Variants in RPL24 observed in about 807,000 individuals in gnomAD.
The protein encoded by RPL24 is ribosomal protein L24, also known as large ribosomal subunit protein eL24.
Under a neutral mutation model 26.4 loss-of-function variants are expected in RPL24, and 7 were observed. That is an observed-to-expected ratio of 0.27 (90% confidence interval 0.15 to 0.50). The LOEUF (loss-of-function observed/expected upper bound fraction) is 0.50. RPL24 is among the 20% of genes least tolerant of loss of function. The pLI is 0.98. For missense variants in RPL24, 109 were observed against 194.9 expected (o/e 0.56, Z 2.62); for synonymous variants, 67 against 65.2 (o/e 1.03, Z -0.13).
rs200609059 is a variant in RPL24 at position 101,686,714 on chromosome 3, G to A, written c.-38C>T. On this transcript the variant is annotated 5_prime_UTR_variant, in exon 1 of 6. Coordinates refer to ENST00000394077, the MANE Select transcript of RPL24 (RefSeq NM_000986.4). The stretch of plus-strand genomic sequence containing the variant: ...ACGGAAAGACAAAAGATGGCGAAAA[G>A]AAAGAGAGAATCATGGGAAGAGACC... 241 of 1,613,876 alleles carry A rather than the reference G, an allele frequency of 1.5e-4. No individual in the cohort carries two copies. The East Asian group carries it at 2.5e-3, about 16-fold the overall frequency.
chr3:101,682,960 A>T (rs1301548421), intron 3 of RPL24, 53 bp from the exon 4 acceptor site: 1 of 1,546,286 alleles, frequency 6.5e-7, no homozygotes, highest in African/African-American at 1.4e-5. Flanking sequence ...AAGAATTTAG[A>T]GGGAGGAAAA....
Position 101,685,995 on chromosome 3 carries a change from G to C in RPL24, c.82-67C>G, listed in dbSNP as rs1937336397. ...AAGTACAAGAGGCTGAGTAAGCTTG[G>C]AATCCTTAGAAGATCAATATGCTAG... On this transcript the variant is annotated intron_variant, in intron 2 of 5. Transcript: ENST00000394077. The C allele has an allele frequency of 2.9e-6, 3 of 1,049,040 alleles. 1 individual carries two copies. The Admixed American group carries it at 5.3e-5, about 19-fold the overall frequency. The allele number at this position is 1,049,040 out of a possible 1,614,324, so 65.0% of individuals were successfully genotyped here. A position where few individuals can be genotyped will look rare whatever the true frequency, so the allele number is the denominator to read the frequency against.
At position 101,684,168 on chromosome 3, in the gene RPL24, T is replaced by G. The variant is rs1162463816; in HGVS notation, c.193-1261A>C. ...GGCACTGCACTAGGCCCATTTTAAC[T>G]TTTTTTTTTTTTTTTAAATGGAGCC... On this transcript the variant is annotated intron_variant, in intron 3 of 5. Coordinates refer to ENST00000394077, the MANE Select transcript of RPL24 (RefSeq NM_000986.4). Among the ~76,000 whole-genome samples the G allele has an allele frequency of 2.3e-5, 3 of 132,894 alleles. No individual in the cohort carries two copies. In the East Asian group the frequency reaches 6.5e-4, roughly 29 times the overall value. The allele number at this position is 132,894 out of a possible 152,430, so 87.2% of individuals were successfully genotyped here.
chr3:101,684,857 A>G (rs914584790), intron 3 of RPL24, among the ~76,000 whole-genome samples: 2 of 140,672 alleles, frequency 1.4e-5, no homozygotes, highest in African/African-American at 2.6e-5. Flanking sequence ...TGTAGCTATC[A>G]CCATTATCCA....
At chr3:101,684,402 T>C (rs997831905) in intron 3 of RPL24, among the ~76,000 whole-genome samples, 1 of 150,654 alleles carries the variant, frequency 6.6e-6, no homozygotes, top group Admixed American at 6.6e-5. Context: ...ACTCCTGACC[T>C]GGTGATCCAC....
Position 101,684,776 on chromosome 3 carries a change from C to CAAAAAAAAAAAAAAAAAAAA in RPL24, c.192+1022_192+1041dup, listed in dbSNP as rs57278210. ...CTGAGCAACAGAGGACCTGTCTCCC[C>CAAAAAAAAAAAAAAAAAAAA]AAAAAAAAAAAAAAAAAAAAAAAAA... On this transcript the variant is annotated intron_variant, in intron 3 of 5. Coordinates refer to ENST00000394077, the MANE Select transcript of RPL24 (RefSeq NM_000986.4). Among the ~76,000 whole-genome samples, 62 of 53,210 alleles carry CAAAAAAAAAAAAAAAAAAAA rather than the reference C, an allele frequency of 1.2e-3. 6 individuals are homozygous for CAAAAAAAAAAAAAAAAAAAA. The highest frequency in any genetic ancestry group is 2.1e-3 in the South Asian group (2 of 956). 34.9% of individuals were successfully genotyped at this position (53,210 alleles called of 152,430 possible). A position where few individuals can be genotyped will look rare whatever the true frequency, so the allele number is the denominator to read the frequency against.
At chr3:101,686,156 C>G (rs2108341719) in intron 2 of RPL24, 1 of 577,996 alleles carries the variant, frequency 1.7e-6, no homozygotes, top group Non-Finnish European at 3.1e-6. Context: ...AGGCTCATAG[C>G]AAAGGACAGG....
intron 3 of RPL24, among the ~76,000 whole-genome samples, chr3:101,684,614 C>T (rs962179681): frequency 3.3e-5 from 5 of 151,598 alleles, no homozygotes; most frequent in Non-Finnish European, 7.4e-5. Context: ...ATTTCTGTCT[C>T]CTCAAAATAT....
At position 101,686,694 on chromosome 3, in the gene RPL24, A is replaced by G. The variant is rs1937349428; in HGVS notation, c.-18T>C. ...TACTTCATGGCGACAGCTCCACGGA[A>G]AGACAAAAGATGGCGAAAAGAAAGA... On this transcript the variant is annotated 5_prime_UTR_variant, in exon 1 of 6. Transcript: ENST00000394077. 10 of 1,614,238 alleles carry G rather than the reference A, an allele frequency of 6.2e-6. No homozygotes were observed. Among genetic ancestry groups the G allele is most frequent in the Non-Finnish European group, 8.5e-6 (10 of 1,180,040 alleles).
chr3:101,686,280 C>T, intron 2 of RPL24: 1 of 596,956 alleles, frequency 1.7e-6, no homozygotes, highest in Non-Finnish European at 3.0e-6. Context: ...TAAACCCCTC[C>T]TGATGTCCGA....
intron 3 of RPL24, 32 bp downstream of exon 3, chr3:101,685,786 T>G: frequency 8.0e-7 from 1 of 1,247,218 alleles, no homozygotes; most frequent in Non-Finnish European, 1.2e-6. Context: ...ACTTAAGAGA[T>G]AGCCCCCAAC....
chr3:101,682,032 T>C (rs1165723573), intron 5 of RPL24: 1 of 180,508 alleles, frequency 5.5e-6, no homozygotes, highest in Non-Finnish European at 1.2e-5. Flanking sequence ...ACTGTGAAAC[T>C]TTCATTTATC....
intron 3 of RPL24, among the ~76,000 whole-genome samples, chr3:101,683,538 T>G (rs1937288438): frequency 6.6e-6 from 1 of 152,166 alleles, no homozygotes; most frequent in African/African-American, 2.4e-5. Flanking sequence ...AATTTTAAAC[T>G]TTTTAGAAAG....
intron 3 of RPL24, 127 bp downstream of exon 3, chr3:101,685,691 G>T: frequency 1.9e-6 from 1 of 520,438 alleles, no homozygotes; most frequent in Non-Finnish European, 3.5e-6. Flanking sequence ...TCATTTTGCT[G>T]ACGCTTTACA....
intron 3 of RPL24, among the ~76,000 whole-genome samples, chr3:101,683,877 A>G (rs542572603): frequency 6.6e-6 from 1 of 151,624 alleles, no homozygotes; most frequent in African/African-American, 2.4e-5. Context: ...ACGCCCGGCT[A>G]ATTTTTGTAT....
At chr3:101,686,028 T>C in intron 2 of RPL24, 100 bp from the exon 3 acceptor site, 2 of 778,536 alleles carry the variant, frequency 2.6e-6, no homozygotes, top group South Asian at 3.2e-5. Flanking sequence ...TAGTTCTGGC[T>C]TATCATTTTA....
At chr3:101,685,710 G>A (rs982050733) in intron 3 of RPL24, 108 bp downstream of exon 3, 3 of 587,212 alleles carry the variant, frequency 5.1e-6, no homozygotes, top group African/African-American at 1.9e-5. Flanking sequence ...CAGTTTAAGA[G>A]CTCTTTCGCA....
chr3:101,686,379 G>C (rs2108341967), intron 2 of RPL24, 103 bp downstream of exon 2: 1 of 917,852 alleles, frequency 1.1e-6, no homozygotes, highest in South Asian at 1.7e-5. Context: ...AAGACTTCCA[G>C]AGGCCAGTGG....
At chr3:101,685,485 T>C (rs893862469) in intron 3 of RPL24, among the ~76,000 whole-genome samples, 3 of 152,206 alleles carry the variant, frequency 2.0e-5, no homozygotes, top group African/African-American at 7.2e-5. Flanking sequence ...CCACTGGCTA[T>C]GTTAGGACTA....
Sources: allele counts gnomAD v4.1 joint callset (sites outside exome capture counted in the v4.1 genomes callset), GRCh38; gene constraint gnomAD v4.1.1; transcripts MANE v1.5; gene names NCBI Gene and HGNC (gene_info 2026-07-23, HGNC 2026-07-21).